Variants in MARCHF1 observed in about 807,000 individuals in gnomAD.
MARCHF1 encodes membrane associated ring-CH-type finger 1.
MARCHF1 carries 40 observed loss-of-function variants against 54.2 expected under a neutral mutation model. The ratio of observed to expected loss-of-function variants is 0.74; its 90% CI spans 0.57 to 0.96. The LOEUF (loss-of-function observed/expected upper bound fraction) is 0.96. MARCHF1 is among the 40% of genes least tolerant of loss of function. MARCHF1 has a pLI of 0.00. For synonymous variants in MARCHF1, 236 were observed against 236.3 expected (o/e 1.00, Z 0.01); for missense variants, 586 against 656.5 (o/e 0.89, Z 1.17).
intron 4 of MARCHF1, among the ~76,000 whole-genome samples, chr4:163,846,967 A>G (rs1749499948): frequency 6.6e-6 from 1 of 152,270 alleles, no homozygotes; most frequent in South Asian, 2.1e-4. Context: ...TATCCAGAGA[A>G]TGGCAGTGTT....
At chr4:164,313,504 G>A (rs1734921490) in intron 1 of MARCHF1, among the ~76,000 whole-genome samples, 1 of 152,092 alleles carries the variant, frequency 6.6e-6, no homozygotes, top group Non-Finnish European at 1.5e-5. Context: ...AAGATACACT[G>A]CTTAGATATA....
intron 4 of MARCHF1, among the ~76,000 whole-genome samples, chr4:163,805,243 ATTG>A (rs1267998732): frequency 2.0e-5 from 3 of 152,156 alleles, no homozygotes; most frequent in African/African-American, 2.4e-5. Flanking sequence ...TTGTATTATT[ATTG>A]TTAATTTACA....
intron 4 of MARCHF1, among the ~76,000 whole-genome samples, chr4:163,834,699 A>G (rs971740454): frequency 3.3e-5 from 5 of 149,728 alleles, no homozygotes; most frequent in African/African-American, 7.4e-5. Flanking sequence ...TCGCAAGAAC[A>G]AAAAACCAAA....
chr4:164,245,482 CA>C (rs1276306346), intron 1 of MARCHF1, among the ~76,000 whole-genome samples: 1 of 152,094 alleles, frequency 6.6e-6, no homozygotes. Flanking sequence ...GACAAACCCA[CA>C]GCCAATATCA....
At chr4:163,881,717 A>G (rs1750420999) in intron 3 of MARCHF1, among the ~76,000 whole-genome samples, 1 of 139,684 alleles carries the variant, frequency 7.2e-6, no homozygotes, top group South Asian at 2.2e-4. Flanking sequence ...AATACTATCC[A>G]GGAATGTATG....
intron 1 of MARCHF1, among the ~76,000 whole-genome samples, chr4:164,298,679 GTATGA>G (rs1271606343): frequency 7.2e-5 from 11 of 152,028 alleles, no homozygotes. Flanking sequence ...TTTTCTTTTA[GTATGA>G]TATAACTCTA....
chr4:163,591,339 T>C (rs1442013186), intron 7 of MARCHF1, among the ~76,000 whole-genome samples: 1 of 152,054 alleles, frequency 6.6e-6, no homozygotes, highest in African/African-American at 2.4e-5. Flanking sequence ...AATTTCAGAC[T>C]CACATCCCTA....
chr4:163,575,593 C>T (rs1740009263), intron 8 of MARCHF1, among the ~76,000 whole-genome samples: 2 of 151,582 alleles, frequency 1.3e-5, no homozygotes, highest in South Asian at 2.1e-4. Flanking sequence ...AGTCCCTCCT[C>T]GATTTTTGGG....
intron 1 of MARCHF1, among the ~76,000 whole-genome samples, chr4:164,276,435 T>C (rs150768498): frequency 1.3e-5 from 2 of 152,236 alleles, no homozygotes; most frequent in Non-Finnish European, 2.9e-5. Context: ...TGTTACTAAT[T>C]TTATTTGTGC....
intron 3 of MARCHF1, among the ~76,000 whole-genome samples, chr4:163,923,107 C>T (rs952474975): frequency 9.2e-5 from 14 of 151,970 alleles, no homozygotes; most frequent in Admixed American, 2.6e-4. Flanking sequence ...AGCACACTTA[C>T]GGTGATCCAG....
chr4:164,145,726 G>A (rs955488191), intron 1 of MARCHF1, among the ~76,000 whole-genome samples: 3 of 148,654 alleles, frequency 2.0e-5, no homozygotes, highest in South Asian at 4.3e-4. Flanking sequence ...TACTGAATGG[G>A]CAAAAACTGG....
chr4:163,538,725 T>G (rs1189208703), intron 9 of MARCHF1, among the ~76,000 whole-genome samples: 1 of 152,200 alleles, frequency 6.6e-6, no homozygotes, highest in Admixed American at 6.5e-5. Flanking sequence ...TACATCTTTA[T>G]CCACCTAAAC....
intron 2 of MARCHF1, among the ~76,000 whole-genome samples, chr4:164,012,382 C>T (rs1052136956): frequency 3.3e-5 from 5 of 152,082 alleles, no homozygotes; most frequent in African/African-American, 1.2e-4. Context: ...CAGGAAGATT[C>T]CTGAAACCCC....
chr4:163,608,674 A>C (rs1741222129), intron 7 of MARCHF1, among the ~76,000 whole-genome samples: 2 of 152,092 alleles, frequency 1.3e-5, no homozygotes, highest in South Asian at 4.1e-4. Context: ...TGGTAGAGAT[A>C]CTTTCTCTGA....
At chr4:164,069,305 G>A (rs957664512) in intron 2 of MARCHF1, among the ~76,000 whole-genome samples, 6 of 152,206 alleles carry the variant, frequency 3.9e-5, no homozygotes, top group Admixed American at 3.9e-4. Flanking sequence ...CCAGATAAGA[G>A]AATAAAAGCA....
intron 4 of MARCHF1, among the ~76,000 whole-genome samples, chr4:163,737,521 C>T (rs2111347771): frequency 9.7e-6 from 1 of 103,532 alleles, no homozygotes; most frequent in East Asian, 2.1e-4. Flanking sequence ...CCAATTTCAT[C>T]CATGTCCCTA....
At chr4:164,070,499 A>AT (rs754983858) in intron 2 of MARCHF1, among the ~76,000 whole-genome samples, 17 of 152,278 alleles carry the variant, frequency 1.1e-4, no homozygotes, top group South Asian at 4.1e-4. Flanking sequence ...TTCAATGTGC[A>AT]TTTTTTGTAG....
At chr4:164,027,624 T>C (rs1044920698) in intron 2 of MARCHF1, among the ~76,000 whole-genome samples, 4 of 152,050 alleles carry the variant, frequency 2.6e-5, no homozygotes, top group Non-Finnish European at 5.9e-5. Context: ...GATTTAAGTG[T>C]AAGATGTCAA....
At chr4:164,274,456 T>A (rs1431658847) in intron 1 of MARCHF1, among the ~76,000 whole-genome samples, 1 of 152,050 alleles carries the variant, frequency 6.6e-6, no homozygotes, top group Non-Finnish European at 1.5e-5. Flanking sequence ...GGAATTCATA[T>A]GGATTAGCTA....
Sources: gnomAD v4.1 joint callset for allele counts (sites outside exome capture counted in the v4.1 genomes callset) on GRCh38, gnomAD v4.1.1 for gene constraint, MANE v1.5 for transcripts, NCBI Gene and HGNC (gene_info 2026-07-23, HGNC 2026-07-21) for gene names.